KLHL31: variants seen among roughly 807,000 people sequenced by gnomAD.
The protein encoded by KLHL31 is kelch like family member 31, also known as kelch-like protein 31.
In KLHL31, 32 loss-of-function variants were observed where a neutral mutation model predicts 47.1. The observed-to-expected ratio is 0.68, with a 90% CI of 0.51 to 0.91. The LOEUF is 0.91. KLHL31 is among the 40% of genes least tolerant of loss of function. The pLI is 0.00. For synonymous variants in KLHL31, 330 were observed against 325.1 expected (o/e 1.01, Z -0.16); for missense variants, 797 against 819.3 (o/e 0.97, Z 0.33).
Position 53,651,190 on chromosome 6 carries a change from G to C in KLHL31, c.*408C>G, listed in dbSNP as rs2127367287. Reference sequence around the variant, plus strand: ...TTCAACTTCCTAAAGAAAAAAGAGAGAGAGGAAAATAAACTTTTGAACATG... The same window carrying C: ...TTCAACTTCCTAAAGAAAAAAGAGACAGAGGAAAATAAACTTTTGAACATG... On this transcript the variant is annotated 3_prime_UTR_variant, in exon 3 of 3. Coordinates refer to ENST00000370905, the MANE Select transcript of KLHL31 (RefSeq NM_001003760.5). 6.5e-6 allele frequency: 1 copy of C among 154,740 alleles called. No homozygotes were observed. The highest frequency in any genetic ancestry group is 3.3e-3 in the Middle Eastern group (1 of 304). 9.6% of individuals were successfully genotyped at this position (154,740 alleles called of 1,614,324 possible).
At chr6:53,662,347 G>T (rs1333092467) in intron 1 of KLHL31, among the ~76,000 whole-genome samples, 1 of 152,176 alleles carries the variant, frequency 6.6e-6, no homozygotes, top group Non-Finnish European at 1.5e-5. Context: ...TTTTCACACT[G>T]TTCCTGCCAG....
Position 53,654,795 on chromosome 6 carries a change from T to G in KLHL31, c.478A>C (p.Ser160Arg), listed in dbSNP as rs766466447. 6.2e-7 allele frequency: 1 copy of G among 1,614,032 alleles called. No individual in the cohort carries two copies. The highest frequency in any genetic ancestry group is 1.3e-5 in the African/African-American group (1 of 74,942). ...LQIHTLVKMCSDFLIREMSVE... is the reference protein window; with the variant it reads ...LQIHTLVKMCRDFLIREMSVE... Reference sequence around the variant, plus strand: ...CTCATCTCCCGTATCAGAAAATCACTGCACATCTTTACAAGAGTATGGATC... The same window carrying G: ...CTCATCTCCCGTATCAGAAAATCACGGCACATCTTTACAAGAGTATGGATC... Residue 160 changes from serine (S) to arginine (R), a missense_variant, in exon 2 of 3, where the codon AGT (serine) becomes CGT (arginine). Physicochemically the swap from Ser to Arg is moderately radical, Grantham distance 110. Transcript: ENST00000370905.
chr6:53,649,548 T>C lies in KLHL31; in HGVS notation c.*2050A>G, dbSNP rs1764437102. ...TTGATAGATGAAAAATCCTCTAGTTTCAGTATCTCTTCTCATTATTCCATC... is the reference window on the plus strand; with the variant it reads ...TTGATAGATGAAAAATCCTCTAGTTCCAGTATCTCTTCTCATTATTCCATC... On this transcript the variant is annotated 3_prime_UTR_variant, in exon 3 of 3. Coordinates refer to ENST00000370905, the MANE Select transcript of KLHL31 (RefSeq NM_001003760.5). 6.6e-6 allele frequency: 1 copy of C among 152,184 alleles called. No individual in the cohort carries two copies. The highest frequency in any genetic ancestry group is 2.1e-4 in the South Asian group (1 of 4,834). The allele number at this position is 152,184 out of a possible 1,614,324, so 9.4% of individuals were successfully genotyped here. A position where few individuals can be genotyped will look rare whatever the true frequency, so the allele number is the denominator to read the frequency against.
Position 53,664,914 on chromosome 6 carries a change from G to A in KLHL31, c.-34+687C>T, listed in dbSNP as rs574118860. ...GGCTTGCCATTTTAAGTCCAACCTC[G>A]GGGTGGGGTGTAGGGGGGTGGTTTC... On this transcript the variant is annotated intron_variant, in intron 1 of 2. Transcript: ENST00000370905. Among the ~76,000 whole-genome samples the A allele has an allele frequency of 1.1e-3, 174 of 152,242 alleles. 1 individual carries two copies. The South Asian group carries it at 0.016, about 14-fold the overall frequency.
Position 53,651,448 on chromosome 6 carries a change from A to T in KLHL31, c.*150T>A. The stretch of plus-strand genomic sequence containing the variant: ...GTAGATTATGCCATACCAGGAATTT[A>T]AAGCCATCAGGACATGTGCCTCGAC... On this transcript the variant is annotated 3_prime_UTR_variant, in exon 3 of 3. Transcript: ENST00000370905. 1 of 497,086 alleles carries T rather than the reference A, an allele frequency of 2.0e-6. No homozygotes were observed. The highest frequency in any genetic ancestry group is 3.3e-6 in the Non-Finnish European group (1 of 302,732). The allele number at this position is 497,086 out of a possible 1,614,324, so 30.8% of individuals were successfully genotyped here.
intron 1 of KLHL31, among the ~76,000 whole-genome samples, chr6:53,657,757 T>G (rs1386577769): frequency 3.3e-5 from 5 of 152,062 alleles, no homozygotes; most frequent in Non-Finnish European, 4.4e-5. Flanking sequence ...AAAGTAATTT[T>G]GTAGCCCTTC....
At chr6:53,663,618 A>T (rs1764678305) in intron 1 of KLHL31, among the ~76,000 whole-genome samples, 1 of 152,228 alleles carries the variant, frequency 6.6e-6, no homozygotes, top group South Asian at 2.1e-4. Context: ...CCTAACTTTT[A>T]TCTATAAAGT....
At chr6:53,663,517 T>C (rs969628870) in intron 1 of KLHL31, among the ~76,000 whole-genome samples, 1 of 152,336 alleles carries the variant, frequency 6.6e-6, no homozygotes, top group East Asian at 1.9e-4. Flanking sequence ...GCACTTCCTT[T>C]AGAAGTATTA....
chr6:53,653,129 G>C (rs1256048909), intron 2 of KLHL31, among the ~76,000 whole-genome samples: 1 of 152,176 alleles, frequency 6.6e-6, no homozygotes, highest in Non-Finnish European at 1.5e-5. Context: ...TGTCTTTACA[G>C]CAGGAGGAAA....
intron 1 of KLHL31, among the ~76,000 whole-genome samples, chr6:53,656,401 C>G (rs1017582510): frequency 1.3e-5 from 2 of 151,712 alleles, no homozygotes; most frequent in African/African-American, 4.8e-5. Context: ...AATTTTGGAT[C>G]AGGAATAAAA....
rs1238172778 is a variant in KLHL31, at chr6:53,654,518, G to A, written c.755C>T (p.Ala252Val). 1 of 1,614,210 alleles carries A rather than the reference G, an allele frequency of 6.2e-7. No individual in the cohort carries two copies. The highest frequency in any genetic ancestry group is 8.5e-7 in the Non-Finnish European group (1 of 1,180,044). The change falls in exon 2 of 3, where the codon GCA becomes GTA. Residue 252 changes from alanine to valine, a missense_variant. Physicochemically the swap from Ala to Val is moderately conservative, Grantham distance 64 (BLOSUM62 0). Transcript: ENST00000370905. ...AAAGCGAATATTGCTCAAAAGATCT[G>A]CAGCGTATTTTACTCTCTTTTGGTC... ...EFDQKRVKYA[A>V]DLLSNIRFGT...
intron 2 of KLHL31, among the ~76,000 whole-genome samples, chr6:53,653,067 A>G (rs1764500729): frequency 6.6e-6 from 1 of 152,114 alleles, no homozygotes; most frequent in African/African-American, 2.4e-5. Flanking sequence ...GGAACTATCC[A>G]TGTATAAGCA....
At chr6:53,661,537 C>T (rs1581791660) in intron 1 of KLHL31, among the ~76,000 whole-genome samples, 1 of 152,128 alleles carries the variant, frequency 6.6e-6, no homozygotes, top group Non-Finnish European at 1.5e-5. Context: ...TATATATGTA[C>T]AGGAAAGGAA....
In KLHL31 at chr6:53,654,507, T is replaced by A. The variant is rs918943818; in HGVS notation, c.766A>T (p.Ser256Cys). 6.2e-7 allele frequency: 1 copy of A among 1,614,228 alleles called. No homozygotes were observed. ...GAGATGGTACCAAAGCGAATATTGC[T>A]CAAAAGATCTGCAGCGTATTTTACT... is the stretch of plus-strand genomic sequence containing the variant. ...KRVKYAADLL[S>C]NIRFGTISAQ... is the part of the protein sequence containing the mutation. Residue 256 changes from serine (S) to cysteine (C), a missense_variant, in exon 2 of 3, where the codon AGC (serine) becomes TGC (cysteine). By Grantham distance (112) the Ser-to-Cys change is moderately radical. Coordinates refer to ENST00000370905, the MANE Select transcript of KLHL31 (RefSeq NM_001003760.5).
Position 53,654,292 on chromosome 6 carries a change from A to G in KLHL31, c.981T>C (p.Leu327=), listed in dbSNP as rs1467337336. 1.2e-6 allele frequency: 2 copies of G among 1,614,068 alleles called. No homozygotes were observed. Among genetic ancestry groups the G allele is most frequent in the Non-Finnish European group, 1.7e-6 (2 of 1,180,038 alleles). The change falls in exon 2 of 3, where the codon CTT becomes CTC. Residue 327 remains leucine, a synonymous_variant. Coordinates refer to ENST00000370905, the MANE Select transcript of KLHL31 (RefSeq NM_001003760.5). ...VLVTVGGRPG[L]TEKSLSRDIL... The stretch of plus-strand genomic sequence containing the variant: ...TGTCTCTGCTAAGGGACTTCTCAGT[A>G]AGGCCTGGGCGTCCCCCAACAGTGA...
intron 1 of KLHL31, among the ~76,000 whole-genome samples, chr6:53,656,969 A>G (rs574021469): frequency 9.1e-6 from 1 of 109,772 alleles, no homozygotes; most frequent in South Asian, 2.8e-4. Flanking sequence ...GTCTCATTCT[A>G]TCACCCAGGC....
Position 53,654,356 on chromosome 6 carries a change from G to A in KLHL31, c.917C>T (p.Ser306Phe). 6.2e-7 allele frequency: 1 copy of A among 1,614,208 alleles called. No individual in the cohort carries two copies. The highest frequency in any genetic ancestry group is 8.5e-7 in the Non-Finnish European group (1 of 1,180,042). The change falls in exon 2 of 3, where the codon TCT becomes TTT. Residue 306 changes from serine to phenylalanine, a missense_variant. By Grantham distance (155) the Ser-to-Phe change is radical (BLOSUM62 -2). Coordinates refer to ENST00000370905, the MANE Select transcript of KLHL31 (RefSeq NM_001003760.5). ...GCCACCTCGGATTCTTGTTCGCCTA[G>A]ATTGCAATGTGTTTTGATGATATGG... ...LLPYHQNTLQ[S>F]RRTRIRGGCR... is the part of the protein sequence containing the mutation.
chr6:53,659,085 A>G (rs1764611566), intron 1 of KLHL31, among the ~76,000 whole-genome samples: 1 of 152,204 alleles, frequency 6.6e-6, no homozygotes, highest in Non-Finnish European at 1.5e-5. Context: ...ATGACAAGCA[A>G]TAGCCTTTGT....
In KLHL31 at chr6:53,654,255, C is replaced by T. The variant is rs1764519356; in HGVS notation, c.1018G>A (p.Asp340Asn). The T allele has an allele frequency of 6.2e-7, 1 of 1,614,070 alleles. No homozygotes were observed. The highest frequency in any genetic ancestry group is 1.1e-5 in the South Asian group (1 of 91,088). The change falls in exon 2 of 3, where the codon GAC becomes AAC. Residue 340 changes from aspartate (D) to asparagine (N), a missense_variant. Coordinates refer to ENST00000370905, the MANE Select transcript of KLHL31 (RefSeq NM_001003760.5). ...AGCTTGCTCCATCCATTTTCAGGGT[C>T]TCTATACAAGATGTCTCTGCTAAGG... ...KSLSRDILYR[D>N]PENGWSKLTE...
Sources: allele counts gnomAD v4.1 joint callset (sites outside exome capture counted in the v4.1 genomes callset), GRCh38; gene constraint gnomAD v4.1.1; transcripts MANE v1.5; gene names NCBI Gene and HGNC (gene_info 2026-07-23, HGNC 2026-07-21).